EFCAB6: variants seen among roughly 807,000 people sequenced by gnomAD.
EFCAB6 encodes the protein EF-hand calcium binding domain 6, also known as EF-hand calcium-binding domain-containing protein 6.
A neutral mutation model predicts 169.8 loss-of-function variants in EFCAB6; 156 were observed. The ratio of observed to expected loss-of-function variants is 0.92; its 90% CI spans 0.81 to 1.05. The LOEUF (loss-of-function observed/expected upper bound fraction) is 1.05. EFCAB6 is among the 50% of genes least tolerant of loss of function. The pLI is 0.00. For missense variants in EFCAB6, 1,800 were observed against 1,829.1 expected, an observed-to-expected ratio of 0.98 and a Z score of 0.29; for synonymous variants, 698 against 676.4, an observed-to-expected ratio of 1.03 and a Z score of -0.50.
At chr22:43,746,268 T>G (rs1349482869) in intron 6 of EFCAB6, among the ~76,000 whole-genome samples, 1 of 152,016 alleles carries the variant, frequency 6.6e-6, no homozygotes, top group Non-Finnish European at 1.5e-5. Context: ...TACCCTGCCT[T>G]TACCAAAAAT....
At chr22:43,732,793 T>A (rs2060002084) in intron 7 of EFCAB6, among the ~76,000 whole-genome samples, 1 of 152,170 alleles carries the variant, frequency 6.6e-6, no homozygotes, top group African/African-American at 2.4e-5. Flanking sequence ...AAAGTTAAGA[T>A]AAATAAGATG....
chr22:43,811,825 G>A (rs974625664), intron 1 of EFCAB6, among the ~76,000 whole-genome samples: 4 of 152,176 alleles, frequency 2.6e-5, no homozygotes, highest in African/African-American at 9.7e-5. Flanking sequence ...GTAAACTGGA[G>A]AGATTTAGGG....
At chr22:43,746,444 G>A (rs890693917) in intron 6 of EFCAB6, among the ~76,000 whole-genome samples, 11 of 152,152 alleles carry the variant, frequency 7.2e-5, no homozygotes, top group Non-Finnish European at 1.0e-4. Context: ...AGGGAAACTC[G>A]TGCTTATATA....
At chr22:43,674,358 G>A (rs1482985717) in intron 13 of EFCAB6, among the ~76,000 whole-genome samples, 2 of 152,190 alleles carry the variant, frequency 1.3e-5, no homozygotes, top group African/African-American at 4.8e-5. Flanking sequence ...TAACAGAAAG[G>A]TCTCTGCCTT....
chr22:43,600,363 G>A (rs571741804), intron 22 of EFCAB6, 100 bp from the exon 23 acceptor site: 8 of 1,217,476 alleles, frequency 6.6e-6, no homozygotes, highest in Admixed American at 2.0e-5. Flanking sequence ...TGAGGAGCTC[G>A]TCTTCCATCC....
At chr22:43,791,630 C>T (rs1021497286) in intron 2 of EFCAB6, among the ~76,000 whole-genome samples, 1 of 151,854 alleles carries the variant, frequency 6.6e-6, no homozygotes, top group African/African-American at 2.4e-5. Context: ...CAAATGCCAC[C>T]GTAATAAGGG....
chr22:43,683,625 C>T, intron 12 of EFCAB6, 122 bp downstream of exon 12: 1 of 748,014 alleles, frequency 1.3e-6, no homozygotes, highest in South Asian at 1.7e-5. Context: ...GTAACGGGGG[C>T]TCAAGAAGTG....
intron 8 of EFCAB6, among the ~76,000 whole-genome samples, chr22:43,719,784 C>T (rs2059457638): frequency 1.3e-5 from 2 of 152,068 alleles, no homozygotes; most frequent in African/African-American, 2.4e-5. Context: ...GAGGTACTTG[C>T]CTGGCACTTG....
intron 27 of EFCAB6, chr22:43,554,535 G>T: frequency 3.4e-6 from 1 of 291,354 alleles, no homozygotes; most frequent in Non-Finnish European, 6.4e-6. Context: ...CGCAACACTG[G>T]CCCCAGATAG....
At chr22:43,690,343 CAAAAAAAAAA>C (rs137802) in intron 10 of EFCAB6, among the ~76,000 whole-genome samples, 15 of 95,850 alleles carry the variant, frequency 1.6e-4, no homozygotes, top group Admixed American at 2.4e-4. Flanking sequence ...ACTAAAAATA[CAAAAAAAAAA>C]AAAAAAAAAA....
At chr22:43,629,729 C>T (rs756489076) in intron 19 of EFCAB6, among the ~76,000 whole-genome samples, 5 of 151,912 alleles carry the variant, frequency 3.3e-5, no homozygotes, top group Admixed American at 2.0e-4. Context: ...GTCCACTGGT[C>T]AAAGGGGAGG....
chr22:43,708,436 A>G (rs1322118769), intron 10 of EFCAB6, among the ~76,000 whole-genome samples: 1 of 152,112 alleles, frequency 6.6e-6, no homozygotes, highest in Non-Finnish European at 1.5e-5. Flanking sequence ...AACAAGAAAG[A>G]CGAGGAATAA....
intron 5 of EFCAB6, among the ~76,000 whole-genome samples, chr22:43,761,579 T>A (rs1463542415): frequency 6.6e-6 from 1 of 152,258 alleles, no homozygotes; most frequent in Non-Finnish European, 1.5e-5. Flanking sequence ...ATATTTTGAA[T>A]CTATTCTTTC....
chr22:43,595,064 T>C, intron 23 of EFCAB6, among the ~76,000 whole-genome samples: 1 of 151,734 alleles, frequency 6.6e-6, no homozygotes, highest in Non-Finnish European at 1.5e-5. Flanking sequence ...AGATTAAAAA[T>C]GTATTGAAGC....
intron 6 of EFCAB6, among the ~76,000 whole-genome samples, chr22:43,737,618 C>T (rs983306822): frequency 6.6e-6 from 1 of 151,700 alleles, no homozygotes; most frequent in African/African-American, 2.4e-5. Context: ...TATATTCACA[C>T]ACACACATGC....
intron 27 of EFCAB6, among the ~76,000 whole-genome samples, chr22:43,551,272 G>A (rs1387529716): frequency 6.6e-6 from 1 of 152,200 alleles, no homozygotes. Context: ...GAAATGCATG[G>A]AGCTCTGGGC....
At chr22:43,609,700 A>G (rs368044180) in intron 21 of EFCAB6, among the ~76,000 whole-genome samples, 9 of 152,364 alleles carry the variant, frequency 5.9e-5, no homozygotes, top group Admixed American at 6.5e-5. Flanking sequence ...AGAAAACTCA[A>G]ATATAATAGT....
chr22:43,648,647 ACCT>A (rs2056308849), intron 17 of EFCAB6, among the ~76,000 whole-genome samples: 1 of 152,150 alleles, frequency 6.6e-6, no homozygotes, highest in East Asian at 1.9e-4. Context: ...CATGCCCCAA[ACCT>A]CAGCATTCTG....
intron 6 of EFCAB6, among the ~76,000 whole-genome samples, chr22:43,749,623 G>A (rs1157647616): frequency 1.3e-5 from 2 of 152,122 alleles, no homozygotes; most frequent in East Asian, 1.9e-4. Context: ...GACAGGAGGC[G>A]GAGCTCAGGC....
Sources: gnomAD v4.1 joint callset for allele counts (sites outside exome capture counted in the v4.1 genomes callset) on GRCh38, gnomAD v4.1.1 for gene constraint, MANE v1.5 for transcripts, NCBI Gene and HGNC (gene_info 2026-07-23, HGNC 2026-07-21) for gene names.